SCFD2: variants seen among roughly 807,000 people sequenced by gnomAD.
SCFD2 encodes sec1 family domain containing 2, also known as sec1 family domain-containing protein 2.
SCFD2 carries 54 observed loss-of-function variants against 58.9 expected under a neutral mutation model. The ratio of observed to expected loss-of-function variants is 0.92; its 90% confidence interval spans 0.74 to 1.15. The LOEUF is 1.15. Ranked by LOEUF, SCFD2 falls within the 50% of genes most tolerant of loss-of-function variation. The pLI, the probability that SCFD2 is intolerant of heterozygous loss-of-function variation, is 0.00. For missense variants in SCFD2, 805 were observed against 836.6 expected (o/e 0.96, Z 0.47); for synonymous variants, 321 against 335.9 (o/e 0.96, Z 0.49).
intron 4 of SCFD2, among the ~76,000 whole-genome samples, chr4:53,220,246 G>C (rs369781038): frequency 6.6e-6 from 1 of 152,150 alleles, no homozygotes; most frequent in South Asian, 2.1e-4. Flanking sequence ...ATACAGCAAG[G>C]ACACCAACCA....
chr4:52,902,357 A>T (rs1190087937), intron 7 of SCFD2, among the ~76,000 whole-genome samples: 1 of 152,218 alleles, frequency 6.6e-6, no homozygotes, highest in Non-Finnish European at 1.5e-5. Context: ...CCTTATAAAC[A>T]TGGCTTCCCA....
intron 4 of SCFD2, among the ~76,000 whole-genome samples, chr4:53,255,169 C>T (rs770309603): frequency 6.7e-6 from 1 of 148,896 alleles, no homozygotes; most frequent in Admixed American, 6.8e-5. Flanking sequence ...CTGCACCCAG[C>T]AAATACTTCC....
At chr4:53,227,821 T>C (rs1260667784) in intron 4 of SCFD2, among the ~76,000 whole-genome samples, 1 of 152,234 alleles carries the variant, frequency 6.6e-6, no homozygotes, top group East Asian at 1.9e-4. Context: ...TGACTTTATT[T>C]GTATTTTCTG....
chr4:53,143,371 C>T (rs535889408), intron 5 of SCFD2, among the ~76,000 whole-genome samples: 1 of 152,290 alleles, frequency 6.6e-6, no homozygotes, highest in African/African-American at 2.4e-5. Context: ...CAGCACTCTT[C>T]CAAGCACTGT....
In SCFD2 at chr4:53,273,823, T is replaced by A; in HGVS notation, c.1311+3A>T. On this transcript the variant is annotated splice_donor_region_variant and intron_variant, in intron 4 of 8. Transcript: ENST00000401642. ...ATCCCACGAGGTTCCCATAGCAACATACCTGAAGAAGGAGCCTTTCAAAAG... is the reference window on the plus strand; with the variant it reads ...ATCCCACGAGGTTCCCATAGCAACAAACCTGAAGAAGGAGCCTTTCAAAAG... 1.2e-6 allele frequency: 2 copies of A among 1,610,386 alleles called. No homozygotes were observed. The highest frequency in any genetic ancestry group is 1.7e-4 in the Middle Eastern group (1 of 6,046).
At position 52,873,505 on chromosome 4, in the gene SCFD2, G is replaced by T. The variant is rs6835977; in HGVS notation, c.*464C>A. On this transcript the variant is annotated 3_prime_UTR_variant, in exon 9 of 9. Transcript: ENST00000401642. ...AGAAACAAAGCCTCAGACCCTATTTGCAATGTTCCCTCCTCAGTTATATAA... is the reference window on the plus strand; with the variant it reads ...AGAAACAAAGCCTCAGACCCTATTTTCAATGTTCCCTCCTCAGTTATATAA... 16,552 of 154,320 alleles carry T rather than the reference G, an allele frequency of 0.11. 1,137 individuals are homozygous for T. Among genetic ancestry groups the T allele is most frequent in the East Asian group, 0.31 (1,649 of 5,236 alleles). The allele number at this position is 154,320 out of a possible 1,614,324, so 9.6% of individuals were successfully genotyped here.
intron 4 of SCFD2, among the ~76,000 whole-genome samples, chr4:53,246,339 C>A (rs1730071688): frequency 6.6e-6 from 1 of 152,022 alleles, no homozygotes; most frequent in Non-Finnish European, 1.5e-5. Flanking sequence ...AACTAGAAAA[C>A]ACTATTTTAA....
chr4:52,997,040 C>T (rs1264327643), intron 5 of SCFD2, among the ~76,000 whole-genome samples: 7 of 152,180 alleles, frequency 4.6e-5, no homozygotes, highest in Admixed American at 1.3e-4. Flanking sequence ...AACGTTTAAC[C>T]CTTATCTTGC....
intron 5 of SCFD2, among the ~76,000 whole-genome samples, chr4:52,922,716 G>T (rs1719769835): frequency 6.6e-6 from 1 of 152,066 alleles, no homozygotes; most frequent in African/African-American, 2.4e-5. Flanking sequence ...TTTCTCTTAG[G>T]TATATACCTA....
intron 8 of SCFD2, among the ~76,000 whole-genome samples, chr4:52,875,989 T>A (rs1444772265): frequency 6.6e-6 from 1 of 151,742 alleles, no homozygotes; most frequent in East Asian, 1.9e-4. Context: ...ATCATCTGCA[T>A]GCATGATTTA....
At chr4:52,903,921 C>T (rs1719283893) in intron 7 of SCFD2, among the ~76,000 whole-genome samples, 1 of 152,250 alleles carries the variant, frequency 6.6e-6, no homozygotes, top group East Asian at 1.9e-4. Flanking sequence ...TGTATAGTTA[C>T]AAAACAGTGT....
intron 5 of SCFD2, among the ~76,000 whole-genome samples, chr4:53,026,663 A>T (rs984304618): frequency 5.9e-5 from 9 of 152,230 alleles, no homozygotes; most frequent in African/African-American, 2.2e-4. Context: ...GTAGCGTTTT[A>T]GGCAATCACT....
At chr4:53,059,926 T>C (rs1337556703) in intron 5 of SCFD2, among the ~76,000 whole-genome samples, 4 of 152,138 alleles carry the variant, frequency 2.6e-5, no homozygotes, top group Non-Finnish European at 4.4e-5. Context: ...AGTAACTAGA[T>C]ACATAAAGCA....
intron 4 of SCFD2, among the ~76,000 whole-genome samples, chr4:53,200,250 C>T (rs189540942): frequency 2.0e-5 from 3 of 152,028 alleles, no homozygotes; most frequent in African/African-American, 7.2e-5. Context: ...GATTATTCTG[C>T]ACCTGATCCT....
chr4:52,986,735 G>C (rs537581432), intron 5 of SCFD2, among the ~76,000 whole-genome samples: 4 of 152,034 alleles, frequency 2.6e-5, no homozygotes, highest in African/African-American at 4.8e-5. Flanking sequence ...TCCTGACCTC[G>C]TGATCCACCC....
Position 53,273,872 on chromosome 4 carries a change from G to C in SCFD2, c.1265C>G (p.Thr422Ser), listed in dbSNP as rs1437600979. ...ATAQTLKHPQ[T>S]AKWDNFLAFE... is the part of the protein sequence containing the mutation. ...AGCCAGAAAGTTGTCCCACTTGGCA[G>C]TCTGTGGGTGTTTCAACGTTTGAGC... Residue 422 changes from threonine to serine, a missense_variant, in exon 4 of 9, where the codon ACT becomes AGT. Thr to Ser is a moderately conservative substitution (Grantham distance 58). This residue lies in a region of SCFD2 where 633 missense variants were observed against 646.8 expected (regional missense o/e 0.98). Coordinates refer to ENST00000401642, the MANE Select transcript of SCFD2 (RefSeq NM_152540.4). The C allele has an allele frequency of 6.2e-7, 1 of 1,613,734 alleles. No homozygotes were observed. The highest frequency in any genetic ancestry group is 1.3e-5 in the African/African-American group (1 of 74,914).
chr4:53,086,996 C>T (rs141055725), intron 5 of SCFD2, among the ~76,000 whole-genome samples: 2 of 152,110 alleles, frequency 1.3e-5, no homozygotes, highest in East Asian at 1.9e-4. Flanking sequence ...TGACTATAGT[C>T]AACAATAATT....
intron 5 of SCFD2, among the ~76,000 whole-genome samples, chr4:52,922,183 C>T (rs541808959): frequency 3.3e-4 from 50 of 152,254 alleles, no homozygotes; most frequent in African/African-American, 6.7e-4. Context: ...TTTTTAGTAA[C>T]GGCTTTGTTG....
intron 5 of SCFD2, among the ~76,000 whole-genome samples, chr4:53,138,865 C>T (rs1726020792): frequency 6.7e-6 from 1 of 149,122 alleles, no homozygotes; most frequent in African/African-American, 2.5e-5. Context: ...TCCCCCTCCC[C>T]CTCCCCCTCC....
Sources: gnomAD v4.1 joint callset for allele counts (sites outside exome capture counted in the v4.1 genomes callset) on GRCh38, gnomAD v4.1.1 for gene constraint, gnomAD v4.1.1 regional missense constraint, MANE v1.5 for transcripts, NCBI Gene and HGNC (gene_info 2026-07-23, HGNC 2026-07-21) for gene names.